SPATS2L: variants seen among roughly 807,000 people sequenced by gnomAD.
SPATS2L encodes SPATS2-like protein.
Under a neutral mutation model 59.6 loss-of-function variants are expected in SPATS2L, and 30 were observed. The observed-to-expected ratio is 0.50, with a 90% CI of 0.38 to 0.68. SPATS2L has a LOEUF of 0.68. Among genes scored for constraint, SPATS2L ranks in the 30% least tolerant of loss-of-function variants. The probability of loss-of-function intolerance (pLI) is 0.00; values close to 1 mark genes in which losing one functional copy is unlikely to be tolerated. For missense variants in SPATS2L, 615 were observed against 700.0 expected (o/e 0.88, Z 1.37); for synonymous variants, 252 against 263.5 (o/e 0.96, Z 0.42).
intron 3 of SPATS2L, among the ~76,000 whole-genome samples, chr2:200,406,409 T>TAAA (rs61166425): frequency 3.8e-5 from 5 of 131,234 alleles, no homozygotes; most frequent in African/African-American, 1.4e-4. Flanking sequence ...AGCACAAGTT[T>TAAA]AAAAAAAAAA....
chr2:200,389,364 T>C, intron 3 of SPATS2L, 81 bp downstream of exon 3: 1 of 1,001,832 alleles, frequency 1.0e-6, no homozygotes, highest in Non-Finnish European at 1.5e-6. Flanking sequence ...TCAATTACAG[T>C]GGAGAAAGGG....
At chr2:200,307,552 C>A (rs1392422363) in intron 1 of SPATS2L, among the ~76,000 whole-genome samples, 2 of 152,166 alleles carry the variant, frequency 1.3e-5, no homozygotes, top group East Asian at 3.9e-4. Flanking sequence ...CGGGACGAAG[C>A]GGTCGCGCCG....
chr2:200,371,871 A>G lies in SPATS2L; in HGVS notation c.-22-17352A>G, dbSNP rs532369548. ...AACCCAAACATGCAAAATCTGTTAG[A>G]AGATATTTGTGTCATCGAACAGCTT... On this transcript the variant is annotated intron_variant, in intron 2 of 12. Coordinates refer to ENST00000409140, the MANE Select transcript of SPATS2L (RefSeq NM_001100423.2). Among the ~76,000 whole-genome samples, 7 of 152,282 alleles carry G rather than the reference A, an allele frequency of 4.6e-5. No individual in the cohort carries two copies. In the South Asian group the frequency reaches 1.5e-3, roughly 32 times the overall value.
intron 2 of SPATS2L, among the ~76,000 whole-genome samples, chr2:200,348,080 C>T (rs2080579976): frequency 6.6e-6 from 1 of 152,016 alleles, no homozygotes. Context: ...TGTTTCTGAA[C>T]ATAAAGTTGT....
chr2:200,456,646 C>T (rs755534416), intron 8 of SPATS2L, among the ~76,000 whole-genome samples: 4 of 152,128 alleles, frequency 2.6e-5, no homozygotes, highest in Non-Finnish European at 5.9e-5. Context: ...AGCAAAGGCC[C>T]TTGCACACAC....
Position 200,481,894 on chromosome 2 carries a change from A to T in SPATS2L, c.*3863A>T, listed in dbSNP as rs1346112067. 6.6e-6 allele frequency: 1 copy of T among 152,170 alleles called. No homozygotes were observed. The highest frequency in any genetic ancestry group is 1.5e-5 in the Non-Finnish European group (1 of 68,066). 9.4% of individuals were successfully genotyped at this position (152,170 alleles called of 1,614,324 possible). A position where few individuals can be genotyped will look rare whatever the true frequency, so the allele number is the denominator to read the frequency against. On this transcript the variant is annotated 3_prime_UTR_variant, in exon 13 of 13. Coordinates refer to ENST00000409140, the MANE Select transcript of SPATS2L (RefSeq NM_001100423.2). ...ACAGGGTTTCACCGTGTTAGCCAGGATGGTTTTGATCTCCTGACCTCGTGA... is the reference window on the plus strand; with the variant it reads ...ACAGGGTTTCACCGTGTTAGCCAGGTTGGTTTTGATCTCCTGACCTCGTGA...
At chr2:200,471,863 A>G (rs928686157) in intron 11 of SPATS2L, among the ~76,000 whole-genome samples, 1 of 152,244 alleles carries the variant, frequency 6.6e-6, no homozygotes, top group African/African-American at 2.4e-5. Flanking sequence ...CAAAGAGAGC[A>G]GACAAAGTTG....
chr2:200,392,379 A>C (rs2082198296), intron 3 of SPATS2L, among the ~76,000 whole-genome samples: 1 of 152,196 alleles, frequency 6.6e-6, no homozygotes, highest in African/African-American at 2.4e-5. Flanking sequence ...GTGAACCCAG[A>C]GAGGGCATGT....
intron 1 of SPATS2L, among the ~76,000 whole-genome samples, chr2:200,307,727 G>A (rs1028069859): frequency 5.3e-5 from 8 of 152,252 alleles, no homozygotes; most frequent in African/African-American, 1.7e-4. Flanking sequence ...GGGATGCGGC[G>A]GAAGCGTCGC....
intron 2 of SPATS2L, among the ~76,000 whole-genome samples, chr2:200,334,747 C>T (rs1205159713): frequency 6.6e-6 from 1 of 152,016 alleles, no homozygotes; most frequent in African/African-American, 2.4e-5. Flanking sequence ...CCAGTTTTCC[C>T]AGCACCATTT....
chr2:200,403,813 C>A (rs963180213), intron 3 of SPATS2L, among the ~76,000 whole-genome samples: 5 of 152,224 alleles, frequency 3.3e-5, no homozygotes, highest in African/African-American at 1.2e-4. Flanking sequence ...GACCCACAGG[C>A]CTGCTCAGCA....
chr2:200,307,519 G>C (rs2079063962), intron 1 of SPATS2L, among the ~76,000 whole-genome samples: 1 of 152,086 alleles, frequency 6.6e-6, no homozygotes, highest in South Asian at 2.1e-4. Flanking sequence ...GGTGGCCGGA[G>C]CAGACGCGGA....
At chr2:200,377,200 G>A (rs900922194) in intron 2 of SPATS2L, among the ~76,000 whole-genome samples, 1 of 152,104 alleles carries the variant, frequency 6.6e-6, no homozygotes, top group Admixed American at 6.5e-5. Context: ...GAGGAAACAC[G>A]GCCTAGATCA....
chr2:200,419,445 A>C lies in SPATS2L; in HGVS notation c.394A>C (p.Lys132Gln), dbSNP rs954778351. The change falls in exon 6 of 13, where the codon AAA becomes CAA. Residue 132 changes from lysine to glutamine, a missense_variant. Coordinates refer to ENST00000409140, the MANE Select transcript of SPATS2L (RefSeq NM_001100423.2). ...NEKPALIPRE[K>Q]KISILEEPSK... is the part of the protein sequence containing the mutation. ...AAAACCAGCCCTTATCCCTCGTGAG[A>C]AAAAGATCTCGATACTTGAGGAACC... 13 of 1,613,810 alleles carry C rather than the reference A, an allele frequency of 8.1e-6. No homozygotes were observed. In the African/African-American group the frequency reaches 1.3e-4, roughly 17 times the overall value.
intron 8 of SPATS2L, among the ~76,000 whole-genome samples, chr2:200,448,314 T>C (rs1463296961): frequency 6.6e-6 from 1 of 151,862 alleles, no homozygotes; most frequent in Non-Finnish European, 1.5e-5. Context: ...TGGTGGTGCA[T>C]GCCTGCAATC....
chr2:200,467,987 A>G (rs1332842681), intron 10 of SPATS2L, among the ~76,000 whole-genome samples: 1 of 152,174 alleles, frequency 6.6e-6, no homozygotes, highest in Non-Finnish European at 1.5e-5. Context: ...TCAGCAAAGC[A>G]GAGCCCTGTC....
chr2:200,351,229 A>G, intron 2 of SPATS2L: 3 of 471,242 alleles, frequency 6.4e-6, no homozygotes, highest in Admixed American at 4.7e-5. Flanking sequence ...GGAGTGCCAA[A>G]CATCTCAGTG....
intron 2 of SPATS2L, among the ~76,000 whole-genome samples, chr2:200,338,269 C>A (rs2080207748): frequency 6.6e-6 from 1 of 152,182 alleles, no homozygotes. Flanking sequence ...AAGCAATCCA[C>A]CCACCTCGGC....
chr2:200,341,069 C>T (rs991666183), intron 2 of SPATS2L, among the ~76,000 whole-genome samples: 6 of 152,186 alleles, frequency 3.9e-5, no homozygotes, highest in African/African-American at 1.2e-4. Context: ...TGTATGTGCA[C>T]GTATGTGTCA....
Sources: allele counts gnomAD v4.1 joint callset (sites outside exome capture counted in the v4.1 genomes callset), GRCh38; gene constraint gnomAD v4.1.1; transcripts MANE v1.5; gene names NCBI Gene and HGNC (gene_info 2026-07-23, HGNC 2026-07-21).